The following ZC2HC1B variants were observed in gnomAD, a reference collection of about 807,000 sequenced individuals.
ZC2HC1B encodes the protein zinc finger C2HC-type containing 1B, also known as zinc finger C2HC domain-containing protein 1B.
In ZC2HC1B, 36 loss-of-function variants were observed where a neutral mutation model predicts 31.0. The observed-to-expected ratio is 1.16, with a 90% CI of 0.89 to 1.54. The LOEUF is 1.54. Among genes scored for constraint, ZC2HC1B ranks in the 40% most tolerant of loss-of-function variants. The pLI, the probability that ZC2HC1B is intolerant of heterozygous loss-of-function variation, is 0.00. For synonymous variants in ZC2HC1B, 73 were observed against 88.0 expected (o/e 0.83, Z 0.95); for missense variants, 260 against 268.6 (o/e 0.97, Z 0.22).
intron 6 of ZC2HC1B, among the ~76,000 whole-genome samples, chr6:143,916,444 C>T (rs943101737): frequency 6.6e-6 from 1 of 152,174 alleles, no homozygotes; most frequent in Non-Finnish European, 1.5e-5. Flanking sequence ...ACTGGGGCAC[C>T]GTCTAGTGGA....
intron 6 of ZC2HC1B, among the ~76,000 whole-genome samples, chr6:143,931,669 G>T (rs973092915): frequency 6.6e-6 from 1 of 152,054 alleles, no homozygotes; most frequent in African/African-American, 2.4e-5. Flanking sequence ...ATCCCATCTG[G>T]TTTATAGGGT....
intron 6 of ZC2HC1B, among the ~76,000 whole-genome samples, chr6:143,914,131 GATTTC>G (rs1349881126): frequency 6.6e-6 from 1 of 151,428 alleles, no homozygotes; most frequent in Non-Finnish European, 1.5e-5. Context: ...ACTAGCTTTT[GATTTC>G]ATTTGTTCTT....
intron 6 of ZC2HC1B, among the ~76,000 whole-genome samples, chr6:143,927,328 A>G (rs1444724506): frequency 6.6e-6 from 1 of 152,118 alleles, no homozygotes; most frequent in Non-Finnish European, 1.5e-5. Flanking sequence ...CCAAGTCTCT[A>G]ATACCTGTTA....
rs996900632 is a variant in ZC2HC1B at position 143,885,224 on chromosome 6, G to C, written c.91-808G>C. Among the ~76,000 whole-genome samples, 1 of 152,132 alleles carries C rather than the reference G, an allele frequency of 6.6e-6. No individual in the cohort carries two copies. Among genetic ancestry groups the C allele is most frequent in the African/African-American group, 2.4e-5 (1 of 41,412 alleles). On this transcript the variant is annotated intron_variant, in intron 2 of 7. Coordinates refer to ENST00000237275, the MANE Select transcript of ZC2HC1B (RefSeq NM_001013623.3). The surrounding 1 kb of genome is among the most constrained non-coding windows in gnomAD (Gnocchi z 4.2). ...GGAGAATTTAAAAAATGAAATAGCT[G>C]TCTTTTAGTTAACTGTGGTTAGAGC...
At chr6:143,919,623 A>G (rs1469449675) in intron 6 of ZC2HC1B, among the ~76,000 whole-genome samples, 8 of 152,132 alleles carry the variant, frequency 5.3e-5, no homozygotes, top group African/African-American at 1.9e-4. Flanking sequence ...TGATAGTTAG[A>G]GATTCTTATT....
intron 1 of ZC2HC1B, 87 bp downstream of exon 1, chr6:143,864,654 A>G (rs556307837): frequency 7.2e-7 from 1 of 1,383,464 alleles, no homozygotes; most frequent in South Asian, 1.2e-5. Flanking sequence ...GGTAGGTATT[A>G]GCTTGTTCTA....
At position 143,865,023 on chromosome 6, in the gene ZC2HC1B, C is replaced by A. The variant is rs1315614033; in HGVS notation, c.28+456C>A. ...GGTGCTAACTTCACTGTGTTTAAAT[C>A]CATATATTATATATTTTGCAATTAA... On this transcript the variant is annotated intron_variant, in intron 1 of 7. Coordinates refer to ENST00000237275, the MANE Select transcript of ZC2HC1B (RefSeq NM_001013623.3). This position sits in a 1 kb window ranked among gnomAD's most constrained non-coding sequence, Gnocchi z 4.4. Among the ~76,000 whole-genome samples the A allele has an allele frequency of 6.6e-6, 1 of 152,136 alleles. No homozygotes were observed. The highest frequency in any genetic ancestry group is 1.5e-5 in the Non-Finnish European group (1 of 68,030).
chr6:143,932,610 A>G (rs1037268141), intron 6 of ZC2HC1B, among the ~76,000 whole-genome samples: 7 of 152,160 alleles, frequency 4.6e-5, no homozygotes, highest in Non-Finnish European at 7.3e-5. Context: ...TTTCTCTGGT[A>G]TCTCCTTGAG....
Position 143,884,294 on chromosome 6 carries a change from T to G in ZC2HC1B, c.29-10T>G, listed in dbSNP as rs749761081. ...GAAACTAACATAATGTGCTCTTGAA[T>G]TTTACACAGATGGCAATCAGGAATT... On this transcript the variant is annotated splice_polypyrimidine_tract_variant and intron_variant, in intron 1 of 7. Coordinates refer to ENST00000237275, the MANE Select transcript of ZC2HC1B (RefSeq NM_001013623.3). The surrounding 1 kb of genome is among the most constrained non-coding windows in gnomAD (Gnocchi z 5.1). 3 of 1,528,560 alleles carry G rather than the reference T, an allele frequency of 2.0e-6. No individual in the cohort carries two copies. The South Asian group carries it at 3.7e-5, about 19-fold the overall frequency. 94.7% of individuals were successfully genotyped at this position (1,528,560 alleles called of 1,614,324 possible).
rs183675662 is a variant in ZC2HC1B at position 143,885,015 on chromosome 6, T to G, written c.90+650T>G. Among the ~76,000 whole-genome samples the G allele has an allele frequency of 6.6e-6, 1 of 152,174 alleles. No homozygotes were observed. Among genetic ancestry groups the G allele is most frequent in the Admixed American group, 6.5e-5 (1 of 15,280 alleles). On this transcript the variant is annotated intron_variant, in intron 2 of 7. Transcript: ENST00000237275. The surrounding 1 kb of genome is among the most constrained non-coding windows in gnomAD (Gnocchi z 4.2). ...ATCAAATAGATGGTATGCCCCAATATTATAAAGGGGTTCCCAAGAAAGATG... is the reference window on the plus strand; with the variant it reads ...ATCAAATAGATGGTATGCCCCAATAGTATAAAGGGGTTCCCAAGAAAGATG...
At chr6:143,874,791 G>A (rs1777386480) in intron 1 of ZC2HC1B, among the ~76,000 whole-genome samples, 1 of 152,044 alleles carries the variant, frequency 6.6e-6, no homozygotes, top group Non-Finnish European at 1.5e-5. Context: ...AGAGTTTGGT[G>A]GAGACAGAAC....
chr6:143,882,725 G>C (rs1163210471), intron 1 of ZC2HC1B, among the ~76,000 whole-genome samples: 5 of 151,780 alleles, frequency 3.3e-5, no homozygotes, highest in African/African-American at 1.2e-4. Flanking sequence ...ATTTCTCAAA[G>C]CCTACATCTG....
rs187879849 is a variant in ZC2HC1B, at chr6:143,925,289, C to A, written c.599-12360C>A. Among the ~76,000 whole-genome samples, 358 of 149,498 alleles carry A rather than the reference C, an allele frequency of 2.4e-3. 2 individuals are homozygous for A. The highest frequency in any genetic ancestry group is 8.6e-3 in the African/African-American group (350 of 40,598). Reference sequence around the variant, plus strand: ...CTCCCGGGTTCACGCCATTCTCCTGCGTCAGCCTCCCGAGCAGCTGGGAGT... The same window carrying A: ...CTCCCGGGTTCACGCCATTCTCCTGAGTCAGCCTCCCGAGCAGCTGGGAGT... On this transcript the variant is annotated intron_variant, in intron 6 of 7. Coordinates refer to ENST00000237275, the MANE Select transcript of ZC2HC1B (RefSeq NM_001013623.3).
chr6:143,907,302 T>C (rs1777807286), intron 6 of ZC2HC1B, among the ~76,000 whole-genome samples: 1 of 152,230 alleles, frequency 6.6e-6, no homozygotes, highest in South Asian at 2.1e-4. Flanking sequence ...TACCCAGTAA[T>C]GGGATTGCTG....
At position 143,886,066 on chromosome 6, in the gene ZC2HC1B, A is replaced by C. The variant is rs1032838829; in HGVS notation, c.125A>C (p.Asn42Thr). Residue 42 changes from asparagine (N) to threonine (T), a missense_variant, in exon 3 of 8, where the codon AAC becomes ACC. Physicochemically the swap from Asn to Thr is moderately conservative, Grantham distance 65. Coordinates refer to ENST00000237275, the MANE Select transcript of ZC2HC1B (RefSeq NM_001013623.3). This position sits in a 1 kb window ranked among gnomAD's most constrained non-coding sequence, Gnocchi z 4.2. ...GGACCAATATGTAAGAAACTCTTCA[A>C]CAGAAAGCGTAAACCTTTCAGTTCT... ...RHGPICKKLF[N>T]RKRKPFSSLK... 1 of 1,546,680 alleles carries C rather than the reference A, an allele frequency of 6.5e-7. No homozygotes were observed. The highest frequency in any genetic ancestry group is 8.7e-7 in the Non-Finnish European group (1 of 1,145,586).
intron 6 of ZC2HC1B, 134 bp from the exon 7 acceptor site, chr6:143,937,515 C>A: frequency 4.2e-5 from 20 of 474,600 alleles, no homozygotes; most frequent in East Asian, 9.2e-5. Flanking sequence ...CTCCCCACCA[C>A]ACTCCCCCAC....
At chr6:143,909,491 C>G (rs1291389272) in intron 6 of ZC2HC1B, among the ~76,000 whole-genome samples, 1 of 147,938 alleles carries the variant, frequency 6.8e-6, no homozygotes, top group Non-Finnish European at 1.5e-5. Context: ...TTCTTTGTAC[C>G]TTTAGTTGAA....
In ZC2HC1B at chr6:143,915,281, C is replaced by T. The variant is rs1184036855; in HGVS notation, c.598+12129C>T. Among the ~76,000 whole-genome samples, 1 of 152,172 alleles carries T rather than the reference C, an allele frequency of 6.6e-6. No individual in the cohort carries two copies. Among genetic ancestry groups the T allele is most frequent in the South Asian group, 2.1e-4 (1 of 4,828 alleles). ...CACAATCTCTGTGGTCTCTTTGCTG[C>T]CATGTGAGATATGCCTTTCACCTTC... On this transcript the variant is annotated intron_variant, in intron 6 of 7. Transcript: ENST00000237275. This position sits in a 1 kb window ranked among gnomAD's most constrained non-coding sequence, Gnocchi z 5.2.
intron 4 of ZC2HC1B, among the ~76,000 whole-genome samples, chr6:143,897,779 C>A (rs1777684479): frequency 6.6e-6 from 1 of 152,156 alleles, no homozygotes; most frequent in African/African-American, 2.4e-5. Context: ...ATTCATATCT[C>A]CCAAACCCAC....
Sources: gnomAD v4.1 joint callset for allele counts (sites outside exome capture counted in the v4.1 genomes callset) on GRCh38, gnomAD v4.1.1 for gene constraint, Gnocchi (gnomAD v3.1) non-coding constraint, MANE v1.5 for transcripts, NCBI Gene and HGNC (gene_info 2026-07-23, HGNC 2026-07-21) for gene names.